Variants in ARHGEF10 observed in about 807,000 individuals in gnomAD.
ARHGEF10 encodes Rho guanine nucleotide exchange factor (GEF) 10.
A neutral mutation model predicts 147.4 loss-of-function variants in ARHGEF10; 140 were observed. The ratio of observed to expected loss-of-function variants is 0.95; its 90% CI spans 0.83 to 1.09. The LOEUF is 1.09. Among genes scored for constraint, ARHGEF10 ranks in the 50% least tolerant of loss-of-function variants. ARHGEF10 has a pLI of 0.00. For missense variants in ARHGEF10, 2,222 were observed against 1,752.7 expected, an observed-to-expected ratio of 1.27 and a Z score of -4.78; for synonymous variants, 902 against 695.8, an observed-to-expected ratio of 1.30 and a Z score of -4.67.
intron 2 of ARHGEF10, among the ~76,000 whole-genome samples, chr8:1,847,497 C>T (rs560374083): frequency 6.6e-5 from 10 of 152,168 alleles, no homozygotes; most frequent in African/African-American, 2.4e-4. Context: ...TGTTGGTTCA[C>T]AAAAAATCAT....
chr8:1,863,514 G>A (rs987535354), intron 4 of ARHGEF10, among the ~76,000 whole-genome samples: 2 of 152,216 alleles, frequency 1.3e-5, no homozygotes, highest in Non-Finnish European at 2.9e-5. Flanking sequence ...AGCAGCAGCC[G>A]CTGAGTGCTG....
chr8:1,824,405 C>T (rs1035247516), intron 1 of ARHGEF10, among the ~76,000 whole-genome samples: 1 of 151,954 alleles, frequency 6.6e-6, no homozygotes, highest in African/African-American at 2.4e-5. Context: ...CTCCGATCGG[C>T]GGAAGGAGCC....
At chr8:1,895,191 G>C (rs913414899) in intron 13 of ARHGEF10, among the ~76,000 whole-genome samples, 3 of 152,184 alleles carry the variant, frequency 2.0e-5, no homozygotes, top group African/African-American at 7.2e-5. Flanking sequence ...AACCACTGGT[G>C]GTTTCTGCAC....
chr8:1,825,945 G>A (rs1000821364), intron 1 of ARHGEF10: 1 of 648,138 alleles, frequency 1.5e-6, no homozygotes, highest in African/African-American at 1.8e-5. Flanking sequence ...TTGAACACCT[G>A]CTTTATAGAA....
chr8:1,875,656 C>A (rs1236158958), intron 7 of ARHGEF10, among the ~76,000 whole-genome samples: 1 of 152,138 alleles, frequency 6.6e-6, no homozygotes, highest in African/African-American at 2.4e-5. Context: ...ATTTGGAGGA[C>A]CTGTTTTGTA....
At chr8:1,855,932 C>T (rs553396506) in intron 2 of ARHGEF10, among the ~76,000 whole-genome samples, 29 of 151,878 alleles carry the variant, frequency 1.9e-4, no homozygotes, top group Non-Finnish European at 3.7e-4. Context: ...AAAAAAAACC[C>T]CTTCTGAAAT....
chr8:1,829,584 C>T (rs62477466), intron 1 of ARHGEF10, among the ~76,000 whole-genome samples: 26,243 of 152,274 alleles, frequency 0.17, 2,735 homozygotes, highest in South Asian at 0.25. Flanking sequence ...GAAGCCGCGG[C>T]TTCGTGGCTT....
chr8:1,866,502 A>G, intron 5 of ARHGEF10, 24 bp from the exon 6 acceptor site: 29 of 1,611,174 alleles, frequency 1.8e-5, no homozygotes, highest in Non-Finnish European at 2.4e-5. Context: ...GGATATTCTG[A>G]CTTTATGGTT....
chr8:1,921,117 C>G (rs1006866996), intron 18 of ARHGEF10, among the ~76,000 whole-genome samples: 1 of 152,148 alleles, frequency 6.6e-6, no homozygotes, highest in Non-Finnish European at 1.5e-5. Flanking sequence ...CATGATACTT[C>G]AAATGCAGTT....
chr8:1,895,328 A>G (rs1370135288), intron 13 of ARHGEF10, among the ~76,000 whole-genome samples: 2 of 152,232 alleles, frequency 1.3e-5, no homozygotes, highest in East Asian at 1.9e-4. Context: ...ATTTGAGACT[A>G]TGATGCTATC....
Position 1,957,110 on chromosome 8 carries a change from A to T in ARHGEF10, c.3882A>T (p.Lys1294Asn). ...AGGATCCTGTCTCGCTGAGAAGCAA[A>T]GCACGCCGGGCCAAGAAAGCCAAGG... The part of the protein sequence containing the change: ...LLKDPVSLRS[K>N]ARRAKKAKAS... Residue 1294 changes from lysine to asparagine, a missense_variant, in exon 29 of 29, where the codon AAA becomes AAT. Lys to Asn is a moderately conservative substitution (Grantham distance 94). Transcript: ENST00000349830. The T allele has an allele frequency of 6.2e-7, 1 of 1,613,168 alleles. No individual in the cohort carries two copies. The highest frequency in any genetic ancestry group is 8.5e-7 in the Non-Finnish European group (1 of 1,180,026).
At chr8:1,880,869 A>C (rs1485107183) in intron 9 of ARHGEF10, among the ~76,000 whole-genome samples, 1 of 152,228 alleles carries the variant, frequency 6.6e-6, no homozygotes, top group Non-Finnish European at 1.5e-5. Context: ...CTTCTGGAGC[A>C]GCCGGCTCAT....
intron 8 of ARHGEF10, among the ~76,000 whole-genome samples, chr8:1,878,049 C>G (rs1001811314): frequency 6.6e-6 from 1 of 152,082 alleles, no homozygotes; most frequent in Non-Finnish European, 1.5e-5. Flanking sequence ...TCGTGAAACT[C>G]AAGGAGAATC....
At chr8:1,861,350 C>G (rs1271091107) in intron 4 of ARHGEF10, among the ~76,000 whole-genome samples, 1 of 152,222 alleles carries the variant, frequency 6.6e-6, no homozygotes, top group Admixed American at 6.5e-5. Context: ...GGGCTGGGGC[C>G]TCCTGCCGGC....
intron 8 of ARHGEF10, among the ~76,000 whole-genome samples, chr8:1,879,033 C>G (rs898195569): frequency 3.3e-5 from 5 of 152,144 alleles, no homozygotes; most frequent in African/African-American, 4.8e-5. Flanking sequence ...GCAGGCAGCA[C>G]CAAGTTTTCT....
rs116342707 is a variant in ARHGEF10, at chr8:1,837,635, C to T, written c.-47-5718C>T. On this transcript the variant is annotated intron_variant, in intron 1 of 28. Coordinates refer to ENST00000349830, the MANE Select transcript of ARHGEF10 (RefSeq NM_014629.4). ...GGTGTTGTGTTCATTCTTGAACAGACGCGGCAGGCGTACAGCTGGCCTTGT... is the reference window on the plus strand; with the variant it reads ...GGTGTTGTGTTCATTCTTGAACAGATGCGGCAGGCGTACAGCTGGCCTTGT... 6.6e-3 allele frequency among the ~76,000 whole-genome samples: 998 copies of T among 152,246 alleles called. 12 individuals are homozygous for T. The highest frequency in any genetic ancestry group is 0.023 in the African/African-American group (945 of 41,542).
At chr8:1,844,119 G>A (rs185994899) in intron 2 of ARHGEF10, among the ~76,000 whole-genome samples, 1 of 152,178 alleles carries the variant, frequency 6.6e-6, no homozygotes, top group Non-Finnish European at 1.5e-5. Context: ...CATGGGCCTG[G>A]TGTCCGTTGC....
At chr8:1,855,018 C>T (rs1455906829) in intron 2 of ARHGEF10, among the ~76,000 whole-genome samples, 2 of 152,102 alleles carry the variant, frequency 1.3e-5, no homozygotes, top group Non-Finnish European at 2.9e-5. Context: ...CTCGGTGTCT[C>T]CTCAGGGCTG....
chr8:1,910,593 G>C (rs571298721), intron 18 of ARHGEF10, among the ~76,000 whole-genome samples: 1 of 152,178 alleles, frequency 6.6e-6, no homozygotes, highest in Admixed American at 6.5e-5. Flanking sequence ...TCTGGGGGGT[G>C]GTATGGAGAG....
Sources: allele counts gnomAD v4.1 joint callset (sites outside exome capture counted in the v4.1 genomes callset), GRCh38; gene constraint gnomAD v4.1.1; transcripts MANE v1.5; gene names NCBI Gene and HGNC (gene_info 2026-07-23, HGNC 2026-07-21).